The following CALU variants were observed in gnomAD, a reference collection of about 807,000 sequenced individuals.
CALU encodes calumenin, also known as IEF SSP 9302.
In CALU, 13 loss-of-function variants were observed where a neutral mutation model predicts 37.5. That is an observed-to-expected ratio of 0.35 (90% CI 0.23 to 0.55). The LOEUF is 0.55. Among genes scored for constraint, CALU ranks in the 20% least tolerant of loss-of-function variants. CALU has a pLI of 0.89. For synonymous variants in CALU, 114 were observed against 133.8 expected, an observed-to-expected ratio of 0.85 and a Z score of 1.02; for missense variants, 282 against 391.7, an observed-to-expected ratio of 0.72 and a Z score of 2.36.
chr7:128,752,286 G>C (rs1391294435), intron 2 of CALU, among the ~76,000 whole-genome samples: 2 of 152,078 alleles, frequency 1.3e-5, no homozygotes, highest in Non-Finnish European at 2.9e-5. Context: ...TTTTTCTTAA[G>C]TTTGCCAACC....
chr7:128,754,648 A>T, intron 3 of CALU, 193 bp downstream of exon 3: 2 of 1,552,268 alleles, frequency 1.3e-6, no homozygotes, highest in South Asian at 2.4e-5. Flanking sequence ...AACCAATGGC[A>T]GGAGTTTGAT....
At chr7:128,744,340 A>G (rs1361040609) in intron 1 of CALU, among the ~76,000 whole-genome samples, 2 of 152,096 alleles carry the variant, frequency 1.3e-5, no homozygotes, top group Non-Finnish European at 2.9e-5. Context: ...TTGAACATAC[A>G]TGCTCCATAC....
At chr7:128,748,538 G>C (rs1335364101) in intron 1 of CALU, 35 bp from the exon 2 acceptor site, 4 of 1,496,636 alleles carry the variant, frequency 2.7e-6, no homozygotes, top group Non-Finnish European at 3.7e-6. Context: ...TAAGCATACT[G>C]CCTCCTGAAT....
At chr7:128,757,660 ATTTC>A (rs1048390924) in intron 3 of CALU, among the ~76,000 whole-genome samples, 2 of 152,144 alleles carry the variant, frequency 1.3e-5, no homozygotes, top group African/African-American at 4.8e-5. Flanking sequence ...AGGAACAATA[ATTTC>A]TTACCATTAA....
intron 1 of CALU, among the ~76,000 whole-genome samples, chr7:128,744,842 G>A (rs1800370793): frequency 6.6e-6 from 1 of 152,104 alleles, no homozygotes. Context: ...ATTCAGGAGA[G>A]GGGAAGGAAG....
Position 128,769,172 on chromosome 7 carries a change from C to T in CALU, c.*5C>T, listed in dbSNP as rs542402496. 27 of 1,417,274 alleles carry T rather than the reference C, an allele frequency of 1.9e-5. No individual in the cohort carries two copies. Among genetic ancestry groups the T allele is most frequent in the East Asian group, 9.1e-5 (4 of 43,922 alleles). 87.8% of individuals were successfully genotyped at this position (1,417,274 alleles called of 1,614,324 possible). A position where few individuals can be genotyped will look rare whatever the true frequency, so the allele number is the denominator to read the frequency against. Reference sequence around the variant, plus strand: ...GTACGGCATGATGAGTTCTGAGCTACGGAGGAACCCTCATTTCCTCAAAAG... The same window carrying T: ...GTACGGCATGATGAGTTCTGAGCTATGGAGGAACCCTCATTTCCTCAAAAG... On this transcript the variant is annotated 3_prime_UTR_variant, in exon 7 of 7. Transcript: ENST00000249364.
intron 6 of CALU, among the ~76,000 whole-genome samples, chr7:128,768,862 A>AAAAAAAAAAAAAAAAAAAAC: frequency 6.6e-6 from 1 of 150,702 alleles, no homozygotes; most frequent in Admixed American, 6.6e-5. Context: ...AAAAAAAAAA[A>AAAAAAAAAAAAAAAAAAAAC]AAAAAACAAG....
At chr7:128,756,580 T>G (rs552161127) in intron 3 of CALU, among the ~76,000 whole-genome samples, 1 of 152,298 alleles carries the variant, frequency 6.6e-6, no homozygotes, top group Non-Finnish European at 1.5e-5. Context: ...TCTGTCTCAA[T>G]GAATCCGCTA....
intron 3 of CALU, among the ~76,000 whole-genome samples, chr7:128,757,283 T>C (rs1800921796): frequency 6.6e-6 from 1 of 152,114 alleles, no homozygotes; most frequent in Non-Finnish European, 1.5e-5. Flanking sequence ...TGAAACCTTG[T>C]TTAGAAGAGA....
intron 2 of CALU, among the ~76,000 whole-genome samples, chr7:128,750,686 G>A (rs1800637094): frequency 6.6e-6 from 1 of 152,178 alleles, no homozygotes; most frequent in African/African-American, 2.4e-5. Context: ...CTTATTTACT[G>A]TGGCATTTCA....
Position 128,771,697 on chromosome 7 carries a change from A to G in CALU, c.*2530A>G, listed in dbSNP as rs1197885131. ...CTTTTTTACTTCCATTAGGCCGTAT[A>G]ACTGGAGAGACCTGCTGCTCGTTAT... is the stretch of plus-strand genomic sequence containing the variant. On this transcript the variant is annotated 3_prime_UTR_variant, in exon 7 of 7. Transcript: ENST00000249364. 6.6e-6 allele frequency: 1 copy of G among 152,238 alleles called. No homozygotes were observed. The highest frequency in any genetic ancestry group is 1.5e-5 in the Non-Finnish European group (1 of 68,054). The allele number at this position is 152,238 out of a possible 1,614,324, so 9.4% of individuals were successfully genotyped here. A position where few individuals can be genotyped will look rare whatever the true frequency, so the allele number is the denominator to read the frequency against.
At chr7:128,752,588 G>A (rs868642889) in intron 2 of CALU, among the ~76,000 whole-genome samples, 1 of 152,150 alleles carries the variant, frequency 6.6e-6, no homozygotes, top group African/African-American at 2.4e-5. Flanking sequence ...TATTGGTATA[G>A]CTTCATCTGT....
chr7:128,745,964 A>G (rs1178125041), intron 1 of CALU, among the ~76,000 whole-genome samples: 3 of 152,104 alleles, frequency 2.0e-5, no homozygotes, highest in African/African-American at 7.2e-5. Flanking sequence ...ACACATGGGT[A>G]TTTGTCTTTG....
chr7:128,768,914 A>T, intron 6 of CALU, 149 bp from the exon 7 acceptor site: 1 of 421,850 alleles, frequency 2.4e-6, no homozygotes, highest in Non-Finnish European at 4.5e-6. Flanking sequence ...GTATGTATGT[A>T]GGGGGAATGA....
At chr7:128,766,313 C>G (rs927482130) in intron 5 of CALU, among the ~76,000 whole-genome samples, 1 of 150,640 alleles carries the variant, frequency 6.6e-6, no homozygotes, top group Admixed American at 6.6e-5. Context: ...GGCCATTTTT[C>G]AAGGTTTTTT....
At chr7:128,749,416 C>T (rs1800571712) in intron 2 of CALU, among the ~76,000 whole-genome samples, 1 of 152,080 alleles carries the variant, frequency 6.6e-6, no homozygotes, top group Admixed American at 6.5e-5. Context: ...CATCTTTTGT[C>T]CTGAAAAATG....
chr7:128,754,705 C>T (rs546403121), intron 3 of CALU: 1 of 1,550,438 alleles, frequency 6.4e-7, no homozygotes, highest in South Asian at 1.2e-5. Flanking sequence ...AGAAACGTGA[C>T]TTATGGCACT....
At chr7:128,757,332 C>A (rs1196073981) in intron 3 of CALU, among the ~76,000 whole-genome samples, 4 of 151,196 alleles carry the variant, frequency 2.6e-5, no homozygotes, top group Admixed American at 6.6e-5. Context: ...GCCTTACGTT[C>A]TCCATCTCAA....
chr7:128,745,245 C>T (rs1246335949), intron 1 of CALU, among the ~76,000 whole-genome samples: 2 of 152,202 alleles, frequency 1.3e-5, no homozygotes, highest in South Asian at 2.1e-4. Context: ...TGTCACTATA[C>T]ATATTGTTGG....
Sources: allele counts gnomAD v4.1 joint callset (sites outside exome capture counted in the v4.1 genomes callset), GRCh38; gene constraint gnomAD v4.1.1; transcripts MANE v1.5; gene names NCBI Gene and HGNC (gene_info 2026-07-23, HGNC 2026-07-21).